Variants in CDC25B observed in about 807,000 individuals in gnomAD.
CDC25B encodes the protein cell division cycle 25B.
A neutral mutation model predicts 69.8 loss-of-function variants in CDC25B; 33 were observed. The observed-to-expected ratio is 0.47, with a 90% CI of 0.36 to 0.63. CDC25B has a LOEUF of 0.63. CDC25B is among the 30% of genes least tolerant of loss of function. The probability of loss-of-function intolerance (pLI) is 0.00; values close to 1 mark genes in which losing one functional copy is unlikely to be tolerated. For synonymous variants in CDC25B, 341 were observed against 314.6 expected, an observed-to-expected ratio of 1.08 and a Z score of -0.89; for missense variants, 727 against 809.1, an observed-to-expected ratio of 0.90 and a Z score of 1.23.
At position 3,803,231 on chromosome 20, in the gene CDC25B, C is replaced by A. The variant is rs566007269; in HGVS notation, c.1356+25C>A. The A allele has an allele frequency of 1.3e-6, 2 of 1,582,604 alleles. No homozygotes were observed. The highest frequency in any genetic ancestry group is 1.1e-5 in the South Asian group (1 of 89,800). ...GGTAAGATGGGGCAATGGGGAGAGG[C>A]CCTGAAGATCCCACCTGGTTTAGGT... is the stretch of plus-strand genomic sequence containing the variant. On this transcript the variant is annotated intron_variant, in intron 13 of 15. Transcript: ENST00000245960. The surrounding 1 kb of genome is among the most constrained non-coding windows in gnomAD (Gnocchi z 4.9).
chr20:3,791,693 A>G (rs745919585), upstream of CDC25B, among the ~76,000 whole-genome samples: 7 of 152,132 alleles, frequency 4.6e-5, no homozygotes, highest in African/African-American at 7.2e-5. Context: ...ACAAAAACAG[A>G]AAACAAACTA....
chr20:3,799,394 C>A (rs148393236), intron 3 of CDC25B, among the ~76,000 whole-genome samples: 2,211 of 152,216 alleles, frequency 0.015, 64 homozygotes, highest in African/African-American at 0.05. Context: ...GGCACAGCAG[C>A]CCCCCGGGGG....
At chr20:3,798,315 GTTTTT>G (rs58192077) in intron 2 of CDC25B, 92 bp from the exon 3 acceptor site, 70,829 of 370,032 alleles carry the variant, frequency 0.19, 2,689 homozygotes, top group East Asian at 0.32. Context: ...ACTAGAAACT[GTTTTT>G]TTTTTTTTTT....
At position 3,801,085 on chromosome 20, in the gene CDC25B, G is replaced by A. The variant is rs746300504; in HGVS notation, c.697G>A (p.Asp233Asn). The change falls in exon 7 of 16, where the codon GAC (aspartate) becomes AAC (asparagine). Residue 233 changes from aspartate to asparagine, a missense_variant. This residue lies in a region of CDC25B where 368 missense variants were observed against 345.6 expected (regional missense o/e 1.06). Transcript: ENST00000245960. ...AFAQRPSSAP[D>N]LMCLSPDRKM... ...TGCCCAGAGACCCAGCTCGGCCCCCGACCTGATGGTACATCCAGAGAGCGG... is the reference window on the plus strand; with the variant it reads ...TGCCCAGAGACCCAGCTCGGCCCCCAACCTGATGGTACATCCAGAGAGCGG... 23 of 1,613,926 alleles carry A rather than the reference G, an allele frequency of 1.4e-5. No homozygotes were observed. Among genetic ancestry groups the A allele is most frequent in the East Asian group, 6.7e-5 (3 of 44,898 alleles).
chr20:3,798,980 C>A (rs1470973998), intron 3 of CDC25B, among the ~76,000 whole-genome samples: 1 of 152,178 alleles, frequency 6.6e-6, no homozygotes, highest in Non-Finnish European at 1.5e-5. Context: ...TAGGCCCTTT[C>A]TGCAAGGGAA....
chr20:3,796,624 C>A lies in CDC25B; in HGVS notation c.93C>A (p.Gly31=). 1 of 1,450,616 alleles carries A rather than the reference C, an allele frequency of 6.9e-7. No homozygotes were observed. Among genetic ancestry groups the A allele is most frequent in the Non-Finnish European group, 9.0e-7 (1 of 1,106,404 alleles). The allele number at this position is 1,450,616 out of a possible 1,614,324, so 89.9% of individuals were successfully genotyped here. ...GGAQRPGHLP[G]LLLGSHGLLG... is the part of the protein sequence containing the mutation. Reference sequence around the variant, plus strand: ...CCCAGCGTCCGGGCCACCTCCCGGGCCTCCTGCTGGGATCTCATGGCCTCC... The same window carrying A: ...CCCAGCGTCCGGGCCACCTCCCGGGACTCCTGCTGGGATCTCATGGCCTCC... Residue 31 remains glycine (G), a synonymous_variant, in exon 1 of 16, where the codon GGC becomes GGA. Transcript: ENST00000245960.
intron 1 of CDC25B, among the ~76,000 whole-genome samples, chr20:3,790,662 G>C (rs143501966): frequency 6.6e-6 from 1 of 151,846 alleles, no homozygotes; most frequent in Non-Finnish European, 1.5e-5. Context: ...CCTCTGCCTC[G>C]TAGGTTCAGT....
At chr20:3,789,928 G>T (rs1568497907) in intron 1 of CDC25B, among the ~76,000 whole-genome samples, 1 of 151,882 alleles carries the variant, frequency 6.6e-6, no homozygotes. Flanking sequence ...GGTGGAGCTT[G>T]CAGTGAGCGG....
upstream of CDC25B, chr20:3,795,738 T>C: frequency 2.0e-6 from 2 of 985,522 alleles, no homozygotes; most frequent in Non-Finnish European, 2.4e-6. Flanking sequence ...CGAATGACGT[T>C]TTGCTGCTGC....
upstream of CDC25B, among the ~76,000 whole-genome samples, chr20:3,793,326 G>A (rs997090602): frequency 2.6e-5 from 4 of 151,916 alleles, no homozygotes; most frequent in South Asian, 2.1e-4. Context: ...GAATGGTGGC[G>A]GGCACCTGTA....
intron 3 of CDC25B, 40 bp from the exon 4 acceptor site, chr20:3,800,248 G>A (rs757816172): frequency 2.4e-5 from 39 of 1,607,488 alleles, no homozygotes; most frequent in African/African-American, 1.9e-4. Flanking sequence ...TGATGGGTGC[G>A]GAGGGAGCAT....
chr20:3,802,983 T>C lies in CDC25B; in HGVS notation c.1257+11T>C. ...ATCTCACCAGAAACGGTAAACAGCG[T>C]TGCGTCATTTTCTAGGCAGATTTGG... On this transcript the variant is annotated intron_variant, in intron 12 of 15. Transcript: ENST00000245960. 6.2e-7 allele frequency: 1 copy of C among 1,612,972 alleles called. No individual in the cohort carries two copies. The highest frequency in any genetic ancestry group is 8.5e-7 in the Non-Finnish European group (1 of 1,178,954).
intron 1 of CDC25B, among the ~76,000 whole-genome samples, chr20:3,787,823 G>T (rs558796974): frequency 9.9e-5 from 15 of 152,074 alleles, no homozygotes; most frequent in African/African-American, 3.6e-4. Flanking sequence ...CAGTGCCCTG[G>T]GTCCTCCAAG....
chr20:3,796,429 C>CCG lies in CDC25B; in HGVS notation c.-102_-101insGC. 1 of 329,150 alleles carries CCG rather than the reference C, an allele frequency of 3.0e-6. No individual in the cohort carries two copies. Among genetic ancestry groups the CCG allele is most frequent in the Non-Finnish European group, 4.5e-6 (1 of 222,970 alleles). The allele number at this position is 329,150 out of a possible 1,614,324, so 20.4% of individuals were successfully genotyped here. On this transcript the variant is annotated 5_prime_UTR_variant, in exon 1 of 16. Transcript: ENST00000245960. ...CCTCCCTCCCTCCTTCCCCCCCCCCCCACCCCTCGCCCGCTGCCTCCCTCG... is the reference window on the plus strand; with the variant it reads ...CCTCCCTCCCTCCTTCCCCCCCCCCCCGCACCCCTCGCCCGCTGCCTCCCTCG...
chr20:3,800,689 G>GC (rs1245149371), intron 5 of CDC25B, 54 bp from the exon 6 acceptor site: 6 of 1,600,782 alleles, frequency 3.7e-6, no homozygotes, highest in Non-Finnish European at 4.2e-6. Flanking sequence ...CTGGGCTCGT[G>GC]CCGGAGGAAT....
At position 3,796,684 on chromosome 20, in the gene CDC25B, G is replaced by T; in HGVS notation, c.153G>T (p.Pro51=). Residue 51 remains proline (P), a synonymous_variant, in exon 1 of 16, where the codon CCG becomes CCT. Transcript: ENST00000245960. ...GSPVRAAASS[P]VTTLTQTMHD... ...CGGTGCGGGCGGCCGCTTCCTCGCC[G>T]GTCACCACCCTCACCCAGACCATGC... 2 of 1,531,268 alleles carry T rather than the reference G, an allele frequency of 1.3e-6. No homozygotes were observed. The highest frequency in any genetic ancestry group is 8.7e-7 in the Non-Finnish European group (1 of 1,149,554). 94.9% of individuals were successfully genotyped at this position (1,531,268 alleles called of 1,614,324 possible).
chr20:3,800,210 T>TGGACTGGAGACCTGGTACTAG (rs140901750), intron 3 of CDC25B, 78 bp from the exon 4 acceptor site: 7 of 1,285,678 alleles, frequency 5.4e-6, no homozygotes, highest in Non-Finnish European at 7.8e-6. Flanking sequence ...TACTCCCCCC[T>TGGACTGGAGACCTGGTACTAG]GGACTGGGGG....
At chr20:3,787,659 T>C (rs1642024897) in intron 1 of CDC25B, among the ~76,000 whole-genome samples, 1 of 152,156 alleles carries the variant, frequency 6.6e-6, no homozygotes, top group African/African-American at 2.4e-5. Context: ...ACAATGAATG[T>C]ATAGCTGTGT....
intron 8 of CDC25B, 125 bp downstream of exon 8, chr20:3,801,513 A>C: frequency 1.6e-6 from 2 of 1,275,352 alleles, no homozygotes; most frequent in Non-Finnish European, 2.2e-6. Flanking sequence ...AATCTGAGGT[A>C]ACTGAGTCAC....
Sources: allele counts gnomAD v4.1 joint callset (sites outside exome capture counted in the v4.1 genomes callset), GRCh38; gene constraint gnomAD v4.1.1; regional missense constraint gnomAD v4.1.1; non-coding constraint Gnocchi (gnomAD v3.1); transcripts MANE v1.5; gene names NCBI Gene and HGNC (gene_info 2026-07-23, HGNC 2026-07-21).